Variants in RPS6KA2 observed in about 807,000 individuals in gnomAD.
RPS6KA2 encodes the protein ribosomal protein S6 kinase A2, also known as ribosomal protein S6 kinase alpha-2.
In RPS6KA2, 42 loss-of-function variants were observed where a neutral mutation model predicts 91.8. The ratio of observed to expected loss-of-function variants is 0.46; its 90% CI spans 0.36 to 0.59. RPS6KA2 has a LOEUF of 0.59. RPS6KA2 is among the 20% of genes least tolerant of loss of function. The probability of loss-of-function intolerance (pLI) is 0.00; values close to 1 mark genes in which losing one functional copy is unlikely to be tolerated. For missense variants in RPS6KA2, 798 were observed against 978.5 expected (o/e 0.82, Z 2.46); for synonymous variants, 414 against 393.6 (o/e 1.05, Z -0.61).
chr6:166,444,062 A>C (rs1392165717), intron 14 of RPS6KA2, among the ~76,000 whole-genome samples: 2 of 152,222 alleles, frequency 1.3e-5, no homozygotes, highest in African/African-American at 4.8e-5. Context: ...CATTTATACA[A>C]ATCAGCACTA....
At position 166,852,885 on chromosome 6, in the gene RPS6KA2, G is replaced by A. The variant is rs13216905; in HGVS notation, c.123+5315C>T. On this transcript the variant is annotated intron_variant, in intron 2 of 21. Transcript: ENST00000503859. This position sits in a 1 kb window ranked among gnomAD's most constrained non-coding sequence, Gnocchi z 4.1. Reference sequence around the variant, plus strand: ...AGCCGAAACCCTGTGATCCCCGTGTGGCTGTGTCCTGCCAACTGATGGTGA... The same window carrying A: ...AGCCGAAACCCTGTGATCCCCGTGTAGCTGTGTCCTGCCAACTGATGGTGA... Among the ~76,000 whole-genome samples, 19,239 of 152,092 alleles carry A rather than the reference G, an allele frequency of 0.13. 1,621 individuals carry two copies. Among genetic ancestry groups the A allele is most frequent in the Non-Finnish European group, 0.18 (11,975 of 67,946 alleles).
At chr6:166,738,371 A>G (rs920529080) in intron 2 of RPS6KA2, among the ~76,000 whole-genome samples, 3 of 152,172 alleles carry the variant, frequency 2.0e-5, no homozygotes, top group African/African-American at 7.2e-5. Context: ...GCTTTGAAGG[A>G]AGGCCTCGGG....
chr6:166,498,749 C>G (rs1003030940), intron 7 of RPS6KA2, 99 bp from the exon 8 acceptor site: 8 of 1,475,536 alleles, frequency 5.4e-6, no homozygotes, highest in African/African-American at 2.9e-5. Context: ...GCTCTGCCCC[C>G]TCTCCAGGTG....
At chr6:166,416,306 C>T (rs1778518918) in intron 19 of RPS6KA2, among the ~76,000 whole-genome samples, 1 of 150,170 alleles carries the variant, frequency 6.7e-6, no homozygotes, top group South Asian at 2.2e-4. Flanking sequence ...TCCTCCATCA[C>T]CTCTACCATC....
At chr6:166,475,275 T>A (rs1267995014) in intron 10 of RPS6KA2, among the ~76,000 whole-genome samples, 1 of 152,062 alleles carries the variant, frequency 6.6e-6, no homozygotes, top group Non-Finnish European at 1.5e-5. Context: ...ACAAGACTGG[T>A]GTCCCCTCGG....
chr6:166,433,976 T>G lies in RPS6KA2; in HGVS notation c.1333-1486A>C, dbSNP rs1465955966. Among the ~76,000 whole-genome samples, 6 of 151,960 alleles carry G rather than the reference T, an allele frequency of 3.9e-5. No individual in the cohort carries two copies. The East Asian group carries it at 9.7e-4, about 25-fold the overall frequency. ...GGTCTTGCTGTGTTGCCCAGGCTGG[T>G]CTCTAACTCCTGGCTTCAAGTGATC... is the stretch of plus-strand genomic sequence containing the variant. On this transcript the variant is annotated intron_variant, in intron 14 of 20. Transcript: ENST00000265678. The surrounding 1 kb of genome is among the most constrained non-coding windows in gnomAD (Gnocchi z 4.4).
chr6:166,681,229 T>C (rs1788798422), intron 2 of RPS6KA2, among the ~76,000 whole-genome samples: 1 of 152,136 alleles, frequency 6.6e-6, no homozygotes, highest in Non-Finnish European at 1.5e-5. Flanking sequence ...TCTTAGAAAT[T>C]TTCTGAGCTT....
At chr6:166,422,852 A>G (rs1358361987) in intron 17 of RPS6KA2, among the ~76,000 whole-genome samples, 2 of 152,084 alleles carry the variant, frequency 1.3e-5, no homozygotes, top group Non-Finnish European at 2.9e-5. Flanking sequence ...GAAAATCCGT[A>G]AACTTAGTTG....
At chr6:166,556,761 G>C (rs1010118315) in intron 1 of RPS6KA2, among the ~76,000 whole-genome samples, 1 of 152,126 alleles carries the variant, frequency 6.6e-6, no homozygotes, top group Admixed American at 6.5e-5. Context: ...TGTCTGAATC[G>C]GGCGTCGTTA....
chr6:166,671,988 A>C (rs1788485388), intron 2 of RPS6KA2, among the ~76,000 whole-genome samples: 1 of 152,198 alleles, frequency 6.6e-6, no homozygotes, highest in Non-Finnish European at 1.5e-5. Flanking sequence ...CCTGTGGCCA[A>C]ACCAGGCGTG....
intron 2 of RPS6KA2, among the ~76,000 whole-genome samples, chr6:166,721,885 C>G (rs573496059): frequency 1.3e-5 from 2 of 152,104 alleles, no homozygotes; most frequent in South Asian, 4.2e-4. Flanking sequence ...GGATCCAGAT[C>G]CTCTGACTCA....
intron 1 of RPS6KA2, among the ~76,000 whole-genome samples, chr6:166,567,609 G>C (rs903908555): frequency 6.6e-6 from 1 of 152,216 alleles, no homozygotes; most frequent in African/African-American, 2.4e-5. Flanking sequence ...AAAACAGAGA[G>C]TAGTAAATCG....
intron 2 of RPS6KA2, among the ~76,000 whole-genome samples, chr6:166,761,236 G>C (rs1778162018): frequency 6.6e-6 from 1 of 152,112 alleles, no homozygotes; most frequent in Non-Finnish European, 1.5e-5. Context: ...GTAGAGACAG[G>C]ATTTCACCAT....
At chr6:166,738,580 G>A (rs974412014) in intron 2 of RPS6KA2, among the ~76,000 whole-genome samples, 1 of 152,124 alleles carries the variant, frequency 6.6e-6, no homozygotes, top group African/African-American at 2.4e-5. Context: ...CCCGGCGTGT[G>A]TAACTGTCTT....
Position 166,563,566 on chromosome 6 carries a change from C to A in RPS6KA2, c.100-24782G>T, listed in dbSNP as rs1411955549. 6.6e-6 allele frequency among the ~76,000 whole-genome samples: 1 copy of A among 151,974 alleles called. No individual in the cohort carries two copies. Among genetic ancestry groups the A allele is most frequent in the Non-Finnish European group, 1.5e-5 (1 of 67,982 alleles). ...AGCGGCTGACCAGTCACCAGACTCACCCCCACCCGCCCTCTCCCCTCCACA... is the reference window on the plus strand; with the variant it reads ...AGCGGCTGACCAGTCACCAGACTCAACCCCACCCGCCCTCTCCCCTCCACA... On this transcript the variant is annotated intron_variant, in intron 1 of 20. Coordinates refer to ENST00000265678, the MANE Select transcript of RPS6KA2 (RefSeq NM_021135.6). The surrounding 1 kb of genome is among the most constrained non-coding windows in gnomAD (Gnocchi z 4.1).
chr6:166,602,990 G>A (rs571945233), intron 1 of RPS6KA2, among the ~76,000 whole-genome samples: 2 of 152,314 alleles, frequency 1.3e-5, no homozygotes, highest in Admixed American at 1.3e-4. Context: ...GAGAGAGAGA[G>A]GTGTTGGTCA....
At chr6:166,668,130 G>A (rs1350215076) in intron 2 of RPS6KA2, among the ~76,000 whole-genome samples, 1 of 152,192 alleles carries the variant, frequency 6.6e-6, no homozygotes, top group East Asian at 1.9e-4. Flanking sequence ...CAAACGAGCA[G>A]GAACAGGACT....
chr6:166,445,262 G>A lies in RPS6KA2; in HGVS notation c.1332+3462C>T, dbSNP rs1217668405. On this transcript the variant is annotated intron_variant, in intron 14 of 20. Transcript: ENST00000265678. This position sits in a 1 kb window ranked among gnomAD's most constrained non-coding sequence, Gnocchi z 4.5. Reference sequence around the variant, plus strand: ...TGGGGGGCTGCCCGCAGCACGTGGGGAACACTGAGCTGTTGGTCGGTCATC... The same window carrying A: ...TGGGGGGCTGCCCGCAGCACGTGGGAAACACTGAGCTGTTGGTCGGTCATC... Among the ~76,000 whole-genome samples the A allele has an allele frequency of 1.3e-5, 2 of 152,126 alleles. 1 individual carries two copies. The highest frequency in any genetic ancestry group is 4.8e-5 in the African/African-American group (2 of 41,412).
At chr6:166,546,402 G>A (rs16899126) in intron 1 of RPS6KA2, among the ~76,000 whole-genome samples, 5,026 of 152,032 alleles carry the variant, frequency 0.033, 287 homozygotes, top group African/African-American at 0.12. Flanking sequence ...AAAACCCGGT[G>A]ACAGTGATAC....
Sources: gnomAD v4.1 joint callset for allele counts (sites outside exome capture counted in the v4.1 genomes callset) on GRCh38, gnomAD v4.1.1 for gene constraint, Gnocchi (gnomAD v3.1) non-coding constraint, MANE v1.5 for transcripts, NCBI Gene and HGNC (gene_info 2026-07-23, HGNC 2026-07-21) for gene names.